SIK3: variants seen among roughly 807,000 people sequenced by gnomAD.
The protein encoded by SIK3 is serine/threonine-protein kinase SIK3.
SIK3 carries 28 observed loss-of-function variants against 144.2 expected under a neutral mutation model. The ratio of observed to expected loss-of-function variants is 0.19; its 90% CI spans 0.14 to 0.27. The LOEUF is 0.27. Among genes scored for constraint, SIK3 ranks in the 10% least tolerant of loss-of-function variants. The pLI is 1.00. For synonymous variants in SIK3, 686 were observed against 676.3 expected (o/e 1.01, Z -0.22); for missense variants, 1,319 against 1,776.0 (o/e 0.74, Z 4.62).
chr11:116,917,992 C>T (rs1450295738), intron 4 of SIK3, among the ~76,000 whole-genome samples: 1 of 152,060 alleles, frequency 6.6e-6, no homozygotes, highest in Non-Finnish European at 1.5e-5. Context: ...AATTATTTTT[C>T]TTTGTTCTAG....
intron 5 of SIK3, 76 bp from the exon 6 acceptor site, chr11:116,896,452 C>G: frequency 6.7e-7 from 1 of 1,501,884 alleles, no homozygotes; most frequent in Non-Finnish European, 9.1e-7. Context: ...TGTGTGTATG[C>G]AGATGATGGT....
chr11:116,913,856 C>T (rs965052239), intron 4 of SIK3, among the ~76,000 whole-genome samples: 5 of 152,106 alleles, frequency 3.3e-5, no homozygotes, highest in African/African-American at 7.2e-5. Context: ...GGCCACTGCA[C>T]TCCAGCCTGG....
intron 4 of SIK3, among the ~76,000 whole-genome samples, chr11:116,909,852 T>C (rs117865451): frequency 0.027 from 4,044 of 152,310 alleles, 86 homozygotes; most frequent in Non-Finnish European, 0.036. Context: ...ACTCAGAGTG[T>C]AGGAACTGGG....
chr11:117,077,924 T>C (rs7124649), intron 1 of SIK3, among the ~76,000 whole-genome samples: 8,531 of 152,252 alleles, frequency 0.056, 528 homozygotes, highest in African/African-American at 0.15. Flanking sequence ...AGCTTAATAA[T>C]TCTAAAATCC....
At chr11:117,057,029 T>A (rs1366493217) in intron 1 of SIK3, among the ~76,000 whole-genome samples, 1 of 152,236 alleles carries the variant, frequency 6.6e-6, no homozygotes, top group Non-Finnish European at 1.5e-5. Context: ...TCACAGGCAG[T>A]TGTAAGAAAC....
Position 116,859,711 on chromosome 11 carries a change from C to T in SIK3, c.2426-107G>A, listed in dbSNP as rs1207865646. On this transcript the variant is annotated intron_variant, in intron 19 of 24. Coordinates refer to ENST00000445177, the MANE Select transcript of SIK3 (RefSeq NM_001366686.3). Reference sequence around the variant, plus strand: ...AGACGACATACCAGCTAGAACAGTGCTTCTCAAACTGCACTGAGCATAGGA... The same window carrying T: ...AGACGACATACCAGCTAGAACAGTGTTTCTCAAACTGCACTGAGCATAGGA... 3 of 901,694 alleles carry T rather than the reference C, an allele frequency of 3.3e-6. No homozygotes were observed. The African/African-American group carries it at 5.0e-5, about 15-fold the overall frequency. 55.9% of individuals were successfully genotyped at this position (901,694 alleles called of 1,614,324 possible).
intron 1 of SIK3, among the ~76,000 whole-genome samples, chr11:117,074,329 C>T (rs867540908): frequency 6.6e-6 from 1 of 152,128 alleles, no homozygotes; most frequent in Non-Finnish European, 1.5e-5. Context: ...TATTTTCCCA[C>T]CCCCACTTCC....
intron 1 of SIK3, among the ~76,000 whole-genome samples, chr11:117,030,993 T>C (rs193299927): frequency 6.6e-6 from 1 of 152,320 alleles, no homozygotes; most frequent in East Asian, 1.9e-4. Context: ...TGTTTTCTAA[T>C]TGGATTACTT....
intron 1 of SIK3, among the ~76,000 whole-genome samples, chr11:116,997,828 A>G (rs1418798089): frequency 6.6e-6 from 1 of 152,222 alleles, no homozygotes; most frequent in African/African-American, 2.4e-5. Context: ...AAACGGCACA[A>G]GAGTGCCTTT....
chr11:116,954,983 A>T (rs1007506721), intron 2 of SIK3, among the ~76,000 whole-genome samples: 8 of 152,244 alleles, frequency 5.3e-5, no homozygotes, highest in Non-Finnish European at 7.3e-5. Flanking sequence ...GAAAAGGTGA[A>T]GATAATTCTA....
At chr11:116,968,717 AG>A (rs1949653447) in intron 1 of SIK3, among the ~76,000 whole-genome samples, 1 of 152,240 alleles carries the variant, frequency 6.6e-6, no homozygotes, top group Non-Finnish European at 1.5e-5. Flanking sequence ...GTACAAGTGT[AG>A]AATTTCAAAA....
chr11:116,980,461 G>A (rs868323221), intron 1 of SIK3, among the ~76,000 whole-genome samples: 2 of 152,124 alleles, frequency 1.3e-5, no homozygotes, highest in South Asian at 2.1e-4. Flanking sequence ...CTAACACAAG[G>A]CCTATTTTAC....
At chr11:117,040,155 G>A (rs557403622) in intron 1 of SIK3, among the ~76,000 whole-genome samples, 6 of 152,220 alleles carry the variant, frequency 3.9e-5, no homozygotes, top group Middle Eastern at 3.4e-3. Context: ...TCAAAGCCTT[G>A]TCTGCTCATT....
intron 1 of SIK3, among the ~76,000 whole-genome samples, chr11:117,094,339 T>C (rs1955377350): frequency 6.6e-6 from 1 of 152,216 alleles, no homozygotes; most frequent in African/African-American, 2.4e-5. Context: ...GGTTACAGAC[T>C]CATGCCTGTA....
chr11:116,927,531 G>C, intron 3 of SIK3, 151 bp from the exon 4 acceptor site: 1 of 647,314 alleles, frequency 1.5e-6, no homozygotes, highest in Non-Finnish European at 2.6e-6. Flanking sequence ...GTCCTGGTTT[G>C]CATCTATCAA....
chr11:117,020,340 C>T (rs1011165123), intron 1 of SIK3, among the ~76,000 whole-genome samples: 1 of 148,932 alleles, frequency 6.7e-6, no homozygotes, highest in African/African-American at 2.5e-5. Flanking sequence ...TGTATTCGGC[C>T]TCTTGCCACT....
chr11:116,942,881 T>C (rs1191863730), intron 3 of SIK3, among the ~76,000 whole-genome samples: 1 of 152,092 alleles, frequency 6.6e-6, no homozygotes, highest in Non-Finnish European at 1.5e-5. Flanking sequence ...AGTAGCTCAG[T>C]GGTAAGGTCC....
chr11:117,030,522 T>A (rs1952212103), intron 1 of SIK3, among the ~76,000 whole-genome samples: 2 of 152,140 alleles, frequency 1.3e-5, no homozygotes, highest in African/African-American at 4.8e-5. Flanking sequence ...GTTAACTATA[T>A]AATATAAAAA....
chr11:116,930,096 T>G (rs1181123742), intron 3 of SIK3, among the ~76,000 whole-genome samples: 1 of 152,094 alleles, frequency 6.6e-6, no homozygotes, highest in Non-Finnish European at 1.5e-5. Flanking sequence ...TTTTTTTTTT[T>G]AAAGTGTTCA....
Sources: allele counts gnomAD v4.1 joint callset (sites outside exome capture counted in the v4.1 genomes callset), GRCh38; gene constraint gnomAD v4.1.1; transcripts MANE v1.5; gene names NCBI Gene and HGNC (gene_info 2026-07-23, HGNC 2026-07-21).